Variants in PEX5L observed in about 807,000 individuals in gnomAD.
PEX5L encodes the protein peroxisomal biogenesis factor 5 like, also known as PEX5-related protein.
PEX5L carries 30 observed loss-of-function variants against 84.0 expected under a neutral mutation model. That is an observed-to-expected ratio of 0.36 (90% CI 0.27 to 0.48). The LOEUF is 0.48. PEX5L is among the 20% of genes least tolerant of loss of function. The pLI is 0.99. For missense variants in PEX5L, 533 were observed against 754.6 expected (o/e 0.71, Z 3.44); for synonymous variants, 270 against 283.1 (o/e 0.95, Z 0.46).
chr3:179,839,108 A>G (rs1313594368), intron 8 of PEX5L, among the ~76,000 whole-genome samples: 1 of 152,156 alleles, frequency 6.6e-6, no homozygotes, highest in Non-Finnish European at 1.5e-5. Context: ...TATGAGATGC[A>G]ATGTTACTGA....
chr3:179,818,506 C>T (rs756357896), intron 9 of PEX5L, among the ~76,000 whole-genome samples: 1 of 152,170 alleles, frequency 6.6e-6, no homozygotes, highest in Non-Finnish European at 1.5e-5. Context: ...TGAGTGTAGT[C>T]ACCCAATATG....
intron 2 of PEX5L, among the ~76,000 whole-genome samples, chr3:179,965,653 T>C (rs989569902): frequency 3.9e-5 from 6 of 152,210 alleles, no homozygotes; most frequent in African/African-American, 1.4e-4. Flanking sequence ...ATTTGCCCTT[T>C]GTGTTTTTCC....
intron 8 of PEX5L, among the ~76,000 whole-genome samples, chr3:179,848,184 GT>G (rs1371904838): frequency 1.3e-5 from 2 of 152,016 alleles, no homozygotes; most frequent in African/African-American, 4.8e-5. Flanking sequence ...GATTTATACA[GT>G]GCAGCACTGC....
intron 1 of PEX5L, chr3:179,973,630 C>A: frequency 1.0e-6 from 1 of 985,408 alleles, no homozygotes; most frequent in Middle Eastern, 5.2e-4. Context: ...TCTAAACTTT[C>A]TTGACAATCA....
intron 1 of PEX5L, among the ~76,000 whole-genome samples, chr3:179,978,799 TA>T (rs758053649): frequency 4.6e-5 from 7 of 152,190 alleles, no homozygotes; most frequent in Non-Finnish European, 8.8e-5. Context: ...TCACTAGGAT[TA>T]GGAGGAACGA....
intron 1 of PEX5L, among the ~76,000 whole-genome samples, chr3:180,030,922 C>A (rs1002095731): frequency 7.2e-6 from 1 of 139,436 alleles, no homozygotes; most frequent in African/African-American, 2.6e-5. Context: ...GGATTTTTGT[C>A]TTTTTTTTTT....
Position 179,799,126 on chromosome 3 carries a change from G to A in PEX5L, c.*2702C>T, listed in dbSNP as rs1029147583. 2 of 152,164 alleles carry A rather than the reference G, an allele frequency of 1.3e-5. No homozygotes were observed. The highest frequency in any genetic ancestry group is 1.5e-5 in the Non-Finnish European group (1 of 68,102). The allele number at this position is 152,164 out of a possible 1,614,324, so 9.4% of individuals were successfully genotyped here. ...ATAAAGACGGGGTTTCACCATGTTG[G>A]TCAGGCTGGTCTCGAACTCCTGACC... On this transcript the variant is annotated 3_prime_UTR_variant, in exon 15 of 15. Transcript: ENST00000467460.
rs568309652 is a variant in PEX5L at position 179,809,697 on chromosome 3, A to G, written c.1155-29T>C. On this transcript the variant is annotated intron_variant, in intron 11 of 14. Coordinates refer to ENST00000467460, the MANE Select transcript of PEX5L (RefSeq NM_016559.3). ...AAAAAAAAAAAGAAGCCAATTTCAGATTTTTTTTTGAGCCACAATCTAACA... is the reference window on the plus strand; with the variant it reads ...AAAAAAAAAAAGAAGCCAATTTCAGGTTTTTTTTTGAGCCACAATCTAACA... 4 of 1,490,306 alleles carry G rather than the reference A, an allele frequency of 2.7e-6. No individual in the cohort carries two copies. The African/African-American group carries it at 4.3e-5, about 16-fold the overall frequency. 92.3% of individuals were successfully genotyped at this position (1,490,306 alleles called of 1,614,324 possible).
At chr3:180,010,749 A>G (rs1197140973) in intron 1 of PEX5L, among the ~76,000 whole-genome samples, 1 of 151,994 alleles carries the variant, frequency 6.6e-6, no homozygotes, top group Non-Finnish European at 1.5e-5. Flanking sequence ...TCATTAGAAG[A>G]CTTCAATAAT....
rs1486143082 is a variant in PEX5L at position 179,985,402 on chromosome 3, C to T, written c.22-13737G>A. On this transcript the variant is annotated intron_variant, in intron 1 of 14. Transcript: ENST00000467460. Reference sequence around the variant, plus strand: ...CCAGGTCTGAACAATAACCAAAATGCAGGCTTTTCCAGGCTGGAAGCCAAA... The same window carrying T: ...CCAGGTCTGAACAATAACCAAAATGTAGGCTTTTCCAGGCTGGAAGCCAAA... Among the ~76,000 whole-genome samples, 3 of 152,248 alleles carry T rather than the reference C, an allele frequency of 2.0e-5. No homozygotes were observed. In the South Asian group the frequency reaches 6.2e-4, roughly 32 times the overall value.
chr3:179,985,219 A>G (rs1786698881), intron 1 of PEX5L, among the ~76,000 whole-genome samples: 1 of 152,158 alleles, frequency 6.6e-6, no homozygotes, highest in Non-Finnish European at 1.5e-5. Flanking sequence ...CTAATATATA[A>G]TGGTCTCTGT....
At chr3:179,986,701 C>T (rs1230282365) in intron 1 of PEX5L, among the ~76,000 whole-genome samples, 1 of 152,064 alleles carries the variant, frequency 6.6e-6, no homozygotes, top group Non-Finnish European at 1.5e-5. Flanking sequence ...CGCGCCCGGC[C>T]AACATTTAGT....
Position 179,809,506 on chromosome 3 carries a change from G to T in PEX5L, c.1317C>A (p.Gly439=), listed in dbSNP as rs781162293. 58 of 1,613,934 alleles carry T rather than the reference G, an allele frequency of 3.6e-5. No homozygotes were observed. In the South Asian group the frequency reaches 4.9e-4, roughly 14 times the overall value. The change falls in exon 12 of 15, where the codon GGC becomes GGA. Residue 439 remains glycine, a synonymous_variant. Transcript: ENST00000467460. The part of the protein sequence containing the change: ...YLVKSKKGSP[G]LTRRMSKSPV... Reference sequence around the variant, plus strand: ...GGGACTTAGACATCCGCCGGGTGAGGCCTGGAGATCCCTTCTTGCTTTTCA... The same window carrying T: ...GGGACTTAGACATCCGCCGGGTGAGTCCTGGAGATCCCTTCTTGCTTTTCA...
chr3:179,917,234 T>C (rs1767507085), intron 2 of PEX5L, among the ~76,000 whole-genome samples: 1 of 152,128 alleles, frequency 6.6e-6, no homozygotes, highest in Admixed American at 6.5e-5. Flanking sequence ...CTGGAAAGTC[T>C]TCTGGGGCAA....
chr3:179,927,407 G>C (rs1771773682), intron 2 of PEX5L, among the ~76,000 whole-genome samples: 1 of 152,156 alleles, frequency 6.6e-6, no homozygotes, highest in African/African-American at 2.4e-5. Context: ...AGGGAAACAG[G>C]CCAGTGTGGC....
At chr3:179,875,564 CG>C in intron 5 of PEX5L, 87 bp from the exon 6 acceptor site, 1 of 847,530 alleles carries the variant, frequency 1.2e-6, no homozygotes, top group Non-Finnish European at 1.9e-6. Context: ...GAGGGTGGAG[CG>C]TGTGGTGCAG....
chr3:179,859,253 G>C lies in PEX5L; in HGVS notation c.727-96C>G. On this transcript the variant is annotated intron_variant, in intron 7 of 14. Transcript: ENST00000467460. ...TTCCTTTTCCCATTTCACTTCCCTA[G>C]AGTTCAAGAATCATCTGTGACTGAT... 4.5e-6 allele frequency: 4 copies of C among 888,608 alleles called. No homozygotes were observed. The South Asian group carries it at 5.8e-5, about 13-fold the overall frequency. The allele number at this position is 888,608 out of a possible 1,614,324, so 55.0% of individuals were successfully genotyped here. A position where few individuals can be genotyped will look rare whatever the true frequency, so the allele number is the denominator to read the frequency against.
intron 1 of PEX5L, among the ~76,000 whole-genome samples, chr3:180,027,961 G>A (rs547387507): frequency 2.0e-5 from 3 of 152,196 alleles, no homozygotes; most frequent in East Asian, 1.9e-4. Context: ...CCTGAGTGAC[G>A]CTGTCTCTTT....
intron 8 of PEX5L, among the ~76,000 whole-genome samples, chr3:179,831,252 T>C (rs969888348): frequency 8.6e-5 from 13 of 151,026 alleles, no homozygotes; most frequent in African/African-American, 3.2e-4. Context: ...AGGCAGAGGT[T>C]GCAGTGAGCT....
Sources: allele counts gnomAD v4.1 joint callset (sites outside exome capture counted in the v4.1 genomes callset), GRCh38; gene constraint gnomAD v4.1.1; transcripts MANE v1.5; gene names NCBI Gene and HGNC (gene_info 2026-07-23, HGNC 2026-07-21).